S100A10: variants seen among roughly 807,000 people sequenced by gnomAD.
S100A10 encodes the protein protein S100-A10.
In S100A10, 3 loss-of-function variants were observed where a neutral mutation model predicts 7.1. That is an observed-to-expected ratio of 0.42 (90% confidence interval 0.19 to 1.10). S100A10 has a LOEUF of 1.10. S100A10 is among the 50% of genes least tolerant of loss of function. S100A10 has a pLI of 0.29. For missense variants in S100A10, 101 were observed against 118.1 expected (o/e 0.86, Z 0.67); for synonymous variants, 41 against 39.3 (o/e 1.04, Z -0.16).
In S100A10 at chr1:151,986,211, T is replaced by C; in HGVS notation, c.20A>G (p.His7Arg). 1 of 1,604,272 alleles carries C rather than the reference T, an allele frequency of 6.2e-7. No individual in the cohort carries two copies. The highest frequency in any genetic ancestry group is 8.5e-7 in the Non-Finnish European group (1 of 1,176,806). ...TGTAAACATCATGGTTTCCATGGCG[T>C]GTTCCATTTGAGATGGCATTTTGGT... MPSQME[H>R]AMETMMFTFH... is the part of the protein sequence containing the mutation. The change falls in exon 2 of 3, where the codon CAC becomes CGC. Residue 7 changes from histidine to arginine, a missense_variant. Physicochemically the swap from His to Arg is conservative, Grantham distance 29 (BLOSUM62 0). Transcript: ENST00000368811.
At chr1:151,983,470 C>A in intron 2 of S100A10, 146 bp from the exon 3 acceptor site, 1 of 386,774 alleles carries the variant, frequency 2.6e-6, no homozygotes, top group Non-Finnish European at 4.4e-6. Flanking sequence ...TGGAGTTCAT[C>A]TAAATGTATT....
At chr1:151,991,012 G>A (rs774812415) in intron 1 of S100A10, among the ~76,000 whole-genome samples, 4 of 152,126 alleles carry the variant, frequency 2.6e-5, no homozygotes, top group Non-Finnish European at 5.9e-5. Flanking sequence ...CCAGATCCCG[G>A]CTGCAGTTTC....
chr1:151,983,338 G>A lies in S100A10; in HGVS notation c.133-14C>T, dbSNP rs767700851. The A allele has an allele frequency of 3.4e-6, 5 of 1,482,804 alleles. No individual in the cohort carries two copies. The highest frequency in any genetic ancestry group is 4.5e-6 in the Non-Finnish European group (5 of 1,108,780). The allele number at this position is 1,482,804 out of a possible 1,614,324, so 91.9% of individuals were successfully genotyped here. On this transcript the variant is annotated splice_polypyrimidine_tract_variant and intron_variant, in intron 2 of 2. Coordinates refer to ENST00000368811, the MANE Select transcript of S100A10 (RefSeq NM_002966.3). ...GTCTTTTTGATTCTGAAAAAAAAAA[G>A]AACAAAGGCAAGAAATAGAAGTCAA...
chr1:151,989,236 C>T (rs961204449), intron 1 of S100A10, among the ~76,000 whole-genome samples: 1 of 152,184 alleles, frequency 6.6e-6, no homozygotes, highest in Non-Finnish European at 1.5e-5. Context: ...TCTGAAGTCA[C>T]TCAGTCGCAT....
chr1:151,991,100 C>A (rs140233890), intron 1 of S100A10, among the ~76,000 whole-genome samples: 10 of 152,230 alleles, frequency 6.6e-5, no homozygotes, highest in Non-Finnish European at 1.3e-4. Flanking sequence ...TTTCTTACAG[C>A]CCACCCAGAA....
At chr1:151,983,606 T>C (rs1655739481) in intron 2 of S100A10, among the ~76,000 whole-genome samples, 1 of 152,142 alleles carries the variant, frequency 6.6e-6, no homozygotes, top group Non-Finnish European at 1.5e-5. Flanking sequence ...TTATTCCTAA[T>C]GGCATGGTCA....
chr1:151,986,234 G>T lies in S100A10; in HGVS notation c.-4C>A, dbSNP rs372381342. 1.9e-5 allele frequency: 30 copies of T among 1,599,732 alleles called. No homozygotes were observed. The highest frequency in any genetic ancestry group is 2.6e-5 in the Non-Finnish European group (30 of 1,175,086). ...CGTGTTCCATTTGAGATGGCATTTT[G>T]GTGTGGTCCGTTGAAGCCTATTAAA... On this transcript the variant is annotated 5_prime_UTR_variant, in exon 2 of 3. Coordinates refer to ENST00000368811, the MANE Select transcript of S100A10 (RefSeq NM_002966.3).
chr1:151,990,706 C>T lies in S100A10; in HGVS notation c.-22+3046G>A, dbSNP rs139471947. On this transcript the variant is annotated intron_variant, in intron 1 of 2. Coordinates refer to ENST00000368811, the MANE Select transcript of S100A10 (RefSeq NM_002966.3). ...ACACATACACACATGCACACACACA[C>T]AAAGCTCTCCATGGTGCTTGCCTTT... Among the ~76,000 whole-genome samples, 383 of 152,296 alleles carry T rather than the reference C, an allele frequency of 2.5e-3. 3 individuals are homozygous for T. Among genetic ancestry groups the T allele is most frequent in the African/African-American group, 8.9e-3 (370 of 41,554 alleles).
chr1:151,987,027 CTTTTT>C (rs386368314), intron 1 of S100A10, among the ~76,000 whole-genome samples: 15 of 83,546 alleles, frequency 1.8e-4, no homozygotes, highest in South Asian at 5.6e-4. Context: ...CAGTGTTCCT[CTTTTT>C]TTTTTTTTTT....
In S100A10 at chr1:151,983,072, A is replaced by T; in HGVS notation, c.*91T>A. On this transcript the variant is annotated 3_prime_UTR_variant, in exon 3 of 3. Coordinates refer to ENST00000368811, the MANE Select transcript of S100A10 (RefSeq NM_002966.3). ...GCTAAGTGTCCTGATCTGCTCATGAAATCCTTCTATGGGGGAAGCTGTGGG... is the reference window on the plus strand; with the variant it reads ...GCTAAGTGTCCTGATCTGCTCATGATATCCTTCTATGGGGGAAGCTGTGGG... 1.2e-6 allele frequency: 1 copy of T among 867,348 alleles called. No homozygotes were observed. The highest frequency in any genetic ancestry group is 2.8e-5 in the Admixed American group (1 of 35,750). 53.7% of individuals were successfully genotyped at this position (867,348 alleles called of 1,614,324 possible). A position where few individuals can be genotyped will look rare whatever the true frequency, so the allele number is the denominator to read the frequency against.
At chr1:151,987,150 G>A (rs1188576282) in intron 1 of S100A10, among the ~76,000 whole-genome samples, 7 of 149,460 alleles carry the variant, frequency 4.7e-5, no homozygotes, top group Non-Finnish European at 7.4e-5. Flanking sequence ...GATTACAGGC[G>A]TCCGCCACCA....
chr1:151,992,182 A>G (rs1655919754), intron 1 of S100A10, among the ~76,000 whole-genome samples: 1 of 152,118 alleles, frequency 6.6e-6, no homozygotes, highest in African/African-American at 2.4e-5. Flanking sequence ...TCCCACTCCA[A>G]CCCCTGGCAT....
rs564004992 is a variant in S100A10, at chr1:151,990,773, C to T, written c.-22+2979G>A. Reference sequence around the variant, plus strand: ...AATGGAATACTATTAAAGCATTTGGCCTGAATTCTAGTTATTTGTGTTTCT... The same window carrying T: ...AATGGAATACTATTAAAGCATTTGGTCTGAATTCTAGTTATTTGTGTTTCT... On this transcript the variant is annotated intron_variant, in intron 1 of 2. Transcript: ENST00000368811. Among the ~76,000 whole-genome samples, 32 of 152,290 alleles carry T rather than the reference C, an allele frequency of 2.1e-4. No homozygotes were observed. In the East Asian group the frequency reaches 6.2e-3, roughly 29 times the overall value.
chr1:151,989,148 G>A (rs1002617920), intron 1 of S100A10, among the ~76,000 whole-genome samples: 1 of 152,220 alleles, frequency 6.6e-6, no homozygotes, highest in Non-Finnish European at 1.5e-5. Flanking sequence ...GTTGTCAGCT[G>A]AGGAAATCCT....
chr1:151,984,416 C>T (rs1331327891), intron 2 of S100A10, among the ~76,000 whole-genome samples: 5 of 152,128 alleles, frequency 3.3e-5, no homozygotes, highest in African/African-American at 1.2e-4. Context: ...TCTGGCTTCA[C>T]CCTCAGCTTC....
intron 1 of S100A10, among the ~76,000 whole-genome samples, chr1:151,990,493 G>A (rs1333952592): frequency 6.6e-6 from 1 of 152,168 alleles, no homozygotes; most frequent in Non-Finnish European, 1.5e-5. Flanking sequence ...ATGTTTGTCT[G>A]AGCAACAGGT....
intron 1 of S100A10, among the ~76,000 whole-genome samples, chr1:151,988,823 G>A (rs1471498421): frequency 6.6e-6 from 1 of 152,164 alleles, no homozygotes; most frequent in East Asian, 1.9e-4. Context: ...TCCAAGTCCA[G>A]CAATTTAAGA....
intron 1 of S100A10, among the ~76,000 whole-genome samples, chr1:151,987,205 C>G (rs1012566363): frequency 2.6e-5 from 4 of 151,828 alleles, no homozygotes; most frequent in Non-Finnish European, 5.9e-5. Context: ...GGAGTTTTGC[C>G]ATGTTGAGCA....
At chr1:151,989,244 C>T (rs1427883535) in intron 1 of S100A10, among the ~76,000 whole-genome samples, 1 of 152,156 alleles carries the variant, frequency 6.6e-6, no homozygotes, top group Non-Finnish European at 1.5e-5. Flanking sequence ...CACTCAGTCG[C>T]ATGCCTCTCT....
Sources: allele counts gnomAD v4.1 joint callset (sites outside exome capture counted in the v4.1 genomes callset), GRCh38; gene constraint gnomAD v4.1.1; transcripts MANE v1.5; gene names NCBI Gene and HGNC (gene_info 2026-07-23, HGNC 2026-07-21).